The following TEK variants were observed in gnomAD, a reference collection of about 807,000 sequenced individuals.
TEK encodes TEK receptor tyrosine kinase, also known as angiopoietin-1 receptor.
TEK carries 43 observed loss-of-function variants against 131.8 expected under a neutral mutation model. That is an observed-to-expected ratio of 0.33 (90% CI 0.26 to 0.42). The LOEUF is 0.42. Ranked by LOEUF, TEK falls within the 10% of genes least tolerant of loss-of-function variation. The pLI, the probability that TEK is intolerant of heterozygous loss-of-function variation, is 1.00. For missense variants in TEK, 1,162 were observed against 1,384.4 expected (o/e 0.84, Z 2.55); for synonymous variants, 580 against 491.6 (o/e 1.18, Z -2.38).
chr9:27,194,181 G>T (rs1824925168), intron 11 of TEK, among the ~76,000 whole-genome samples: 1 of 152,090 alleles, frequency 6.6e-6, no homozygotes, highest in Non-Finnish European at 1.5e-5. Flanking sequence ...TATTATCCCA[G>T]TTCACATATT....
chr9:27,162,097 A>G (rs2131128621), intron 2 of TEK, among the ~76,000 whole-genome samples: 1 of 152,332 alleles, frequency 6.6e-6, no homozygotes, highest in East Asian at 1.9e-4. Context: ...CTTGCTGACC[A>G]TCCAGTGGGG....
At position 27,206,583 on chromosome 9, in the gene TEK, G is replaced by T. The variant is rs759734452; in HGVS notation, c.2366G>T (p.Arg789Met). 1 of 1,613,578 alleles carries T rather than the reference G, an allele frequency of 6.2e-7. No homozygotes were observed. Among genetic ancestry groups the T allele is most frequent in the Non-Finnish European group, 8.5e-7 (1 of 1,179,820 alleles). Reference sequence around the variant, plus strand: ...ATGATGAAATAATTATTTTTCCAGAGGGAAGAACCAGCTGTGCAGTTCAAC... The same window carrying T: ...ATGATGAAATAATTATTTTTCCAGATGGAAGAACCAGCTGTGCAGTTCAAC... ...RRMAQAFQNVREEPAVQFNSG... is the reference protein window; with the variant it reads ...RRMAQAFQNVMEEPAVQFNSG... The change falls in exon 15 of 23, where the codon AGG (arginine) becomes ATG (methionine). Residue 789 changes from arginine (R) to methionine (M), a missense_variant and splice_region_variant. This residue lies in a region of TEK where 477 missense variants were observed against 471.0 expected (regional missense o/e 1.01). Transcript: ENST00000380036.
intron 11 of TEK, among the ~76,000 whole-genome samples, chr9:27,197,040 A>G (rs1250282353): frequency 4.5e-5 from 6 of 133,108 alleles, no homozygotes; most frequent in African/African-American, 1.4e-4. Flanking sequence ...CAATGAGAAC[A>G]TATGGAAACA....
At chr9:27,187,745 C>T (rs1824652094) in intron 9 of TEK, among the ~76,000 whole-genome samples, 1 of 152,110 alleles carries the variant, frequency 6.6e-6, no homozygotes, top group Non-Finnish European at 1.5e-5. Flanking sequence ...GGCTTCTCTC[C>T]TTGGCTTGTA....
intron 6 of TEK, among the ~76,000 whole-genome samples, chr9:27,176,611 A>G (rs192352791): frequency 6.6e-6 from 1 of 152,360 alleles, no homozygotes; most frequent in East Asian, 1.9e-4. Context: ...ATATTTTGAT[A>G]TATCTATACA....
chr9:27,166,146 A>G (rs1032503949), intron 2 of TEK, among the ~76,000 whole-genome samples: 11 of 152,234 alleles, frequency 7.2e-5, no homozygotes, highest in Admixed American at 7.2e-4. Flanking sequence ...CTGAATCTTT[A>G]TAGGAATTCT....
At chr9:27,223,841 T>A (rs2131256470) in intron 21 of TEK, among the ~76,000 whole-genome samples, 1 of 152,190 alleles carries the variant, frequency 6.6e-6, no homozygotes, top group Middle Eastern at 3.4e-3. Context: ...GCTAGTTTTT[T>A]GAAAAGATAA....
At chr9:27,139,601 G>A (rs1307117680) in intron 1 of TEK, among the ~76,000 whole-genome samples, 5 of 152,070 alleles carry the variant, frequency 3.3e-5, no homozygotes, top group Non-Finnish European at 7.4e-5. Context: ...TGGGATTACA[G>A]GCGTGAGACA....
intron 4 of TEK, among the ~76,000 whole-genome samples, chr9:27,172,140 G>A (rs1823981475): frequency 6.6e-6 from 1 of 152,152 alleles, no homozygotes; most frequent in South Asian, 2.1e-4. Context: ...GTGGTTGGGT[G>A]GGATCTGGGG....
chr9:27,193,722 C>T (rs756130415), intron 11 of TEK, among the ~76,000 whole-genome samples: 1 of 152,178 alleles, frequency 6.6e-6, no homozygotes, highest in Non-Finnish European at 1.5e-5. Flanking sequence ...GAATTATCAT[C>T]TTCCCTATTT....
chr9:27,197,501 A>C lies in TEK; in HGVS notation c.1811A>C (p.Asn604Thr), dbSNP rs747845143. ...AACTTGACTTCGGTGCTACTTAACA[A>C]CTTACATCCCAGGGAGCAGTACGTG... ...PGNLTSVLLN[N>T]LHPREQYVVR... The change falls in exon 12 of 23, where the codon AAC (asparagine) becomes ACC (threonine). Residue 604 changes from asparagine (N) to threonine (T), a missense_variant. This residue lies in a region of TEK where 477 missense variants were observed against 471.0 expected (regional missense o/e 1.01). Transcript: ENST00000380036. 6.2e-7 allele frequency: 1 copy of C among 1,614,096 alleles called. No individual in the cohort carries two copies. The highest frequency in any genetic ancestry group is 1.1e-5 in the South Asian group (1 of 91,074).
Position 27,129,157 on chromosome 9 carries a change from C to A in TEK, c.52+19515C>A, listed in dbSNP as rs546791816. Among the ~76,000 whole-genome samples the A allele has an allele frequency of 2.6e-3, 394 of 152,146 alleles. 1 individual carries two copies. Among genetic ancestry groups the A allele is most frequent in the Admixed American group, 4.5e-3 (69 of 15,280 alleles). Reference sequence around the variant, plus strand: ...TATTTTGAGATATGTCCTATCAATACCTAGTTTATTGAGAGTTTTTAGCAT... The same window carrying A: ...TATTTTGAGATATGTCCTATCAATAACTAGTTTATTGAGAGTTTTTAGCAT... On this transcript the variant is annotated intron_variant, in intron 1 of 22. Transcript: ENST00000380036.
At chr9:27,204,386 C>T (rs969565466) in intron 13 of TEK, among the ~76,000 whole-genome samples, 2 of 152,130 alleles carry the variant, frequency 1.3e-5, no homozygotes, top group Admixed American at 1.3e-4. Flanking sequence ...TTCCTGTCTT[C>T]CTCCCTCCCT....
intron 1 of TEK, among the ~76,000 whole-genome samples, chr9:27,124,777 A>G (rs1258381897): frequency 6.6e-6 from 1 of 152,236 alleles, no homozygotes; most frequent in Non-Finnish European, 1.5e-5. Context: ...TAAACCATTT[A>G]GAACAATGCT....
chr9:27,137,568 T>C (rs1822516676), intron 1 of TEK, among the ~76,000 whole-genome samples: 1 of 152,160 alleles, frequency 6.6e-6, no homozygotes, highest in South Asian at 2.1e-4. Flanking sequence ...TTTTTACTTT[T>C]TGAGTTCAAC....
intron 7 of TEK, among the ~76,000 whole-genome samples, chr9:27,181,758 T>C (rs1824384902): frequency 6.6e-6 from 1 of 152,226 alleles, no homozygotes; most frequent in Non-Finnish European, 1.5e-5. Context: ...TCCACTGTCG[T>C]AGAATATACT....
chr9:27,207,532 C>A (rs1377855210), intron 15 of TEK, among the ~76,000 whole-genome samples: 1 of 152,184 alleles, frequency 6.6e-6, no homozygotes, highest in Non-Finnish European at 1.5e-5. Flanking sequence ...TTGATAATAT[C>A]TTCAGAGAAA....
At chr9:27,227,338 G>A (rs776323733) in intron 21 of TEK, among the ~76,000 whole-genome samples, 4 of 152,156 alleles carry the variant, frequency 2.6e-5, no homozygotes, top group South Asian at 2.1e-4. Context: ...ATGTTTTCAC[G>A]TGTTGTGCAA....
intron 9 of TEK, among the ~76,000 whole-genome samples, chr9:27,189,521 G>A (rs746139017): frequency 6.6e-6 from 1 of 152,174 alleles, no homozygotes. Context: ...TGGTCTTTGA[G>A]ATGGGGAGAT....
Sources: gnomAD v4.1 joint callset for allele counts (sites outside exome capture counted in the v4.1 genomes callset) on GRCh38, gnomAD v4.1.1 for gene constraint, gnomAD v4.1.1 regional missense constraint, MANE v1.5 for transcripts, NCBI Gene and HGNC (gene_info 2026-07-23, HGNC 2026-07-21) for gene names.